STOX2: variants seen among roughly 807,000 people sequenced by gnomAD.
The protein encoded by STOX2 is storkhead box 2, also known as storkhead-box protein 2.
In STOX2, 28 loss-of-function variants were observed where a neutral mutation model predicts 60.9. The observed-to-expected ratio is 0.46, with a 90% CI of 0.34 to 0.63. The LOEUF (loss-of-function observed/expected upper bound fraction) is 0.63. STOX2 is among the 30% of genes least tolerant of loss of function. The pLI, the probability that STOX2 is intolerant of heterozygous loss-of-function variation, is 0.01. For synonymous variants in STOX2, 472 were observed against 463.9 expected (o/e 1.02, Z -0.22); for missense variants, 1,024 against 1,187.7 (o/e 0.86, Z 2.03).
chr4:183,813,240 G>C (rs139299277), intron 1 of STOX2, among the ~76,000 whole-genome samples: 1 of 152,120 alleles, frequency 6.6e-6, no homozygotes, highest in African/African-American at 2.4e-5. Flanking sequence ...AAAATTAGCC[G>C]GGCAAGGTGG....
chr4:183,996,374 T>C (rs1733347597), intron 1 of STOX2, among the ~76,000 whole-genome samples: 1 of 152,254 alleles, frequency 6.6e-6, no homozygotes, highest in Non-Finnish European at 1.5e-5. Context: ...ATTCTGACGA[T>C]GGAAAAATCC....
intron 2 of STOX2, among the ~76,000 whole-genome samples, chr4:184,007,153 A>T (rs1733906240): frequency 6.6e-6 from 1 of 152,308 alleles, no homozygotes; most frequent in East Asian, 1.9e-4. Context: ...AAAATTAAAT[A>T]ATTATATTGA....
At chr4:183,997,094 G>C (rs1280800987) in intron 1 of STOX2, among the ~76,000 whole-genome samples, 1 of 152,196 alleles carries the variant, frequency 6.6e-6, no homozygotes, top group African/African-American at 2.4e-5. Context: ...AAGTGGGTGA[G>C]ACAGACAGTA....
In STOX2 at chr4:183,861,106, A is replaced by G. The variant is rs548631143; in HGVS notation, c.364+63051A>G. Among the ~76,000 whole-genome samples the G allele has an allele frequency of 6.6e-5, 10 of 152,200 alleles. No homozygotes were observed. The South Asian group carries it at 2.1e-3, about 32-fold the overall frequency. ...AATTATCAAAGTGCATTTTCTCCCCACTACTTCTTTCTCTCCAGATCGCTC... is the reference window on the plus strand; with the variant it reads ...AATTATCAAAGTGCATTTTCTCCCCGCTACTTCTTTCTCTCCAGATCGCTC... On this transcript the variant is annotated intron_variant, in intron 1 of 2. Transcript: ENST00000513034.
At chr4:183,926,495 T>C (rs1012429751) in intron 1 of STOX2, among the ~76,000 whole-genome samples, 3 of 152,232 alleles carry the variant, frequency 2.0e-5, no homozygotes, top group Non-Finnish European at 4.4e-5. Flanking sequence ...TGATAAAGAA[T>C]TTGTGGTTGA....
intron 1 of STOX2, among the ~76,000 whole-genome samples, chr4:183,883,166 A>G (rs1304102314): frequency 2.0e-5 from 3 of 152,194 alleles, no homozygotes; most frequent in Non-Finnish European, 4.4e-5. Flanking sequence ...AAATCTAGAC[A>G]TCATATTAAT....
At chr4:183,831,394 A>G (rs1400167981) in intron 1 of STOX2, among the ~76,000 whole-genome samples, 3 of 152,204 alleles carry the variant, frequency 2.0e-5, no homozygotes, top group Non-Finnish European at 4.4e-5. Context: ...AGCTCCAATC[A>G]GGAAACAGAT....
chr4:183,899,767 A>G (rs57352792), intron 1 of STOX2, among the ~76,000 whole-genome samples: 8,416 of 152,262 alleles, frequency 0.055, 637 homozygotes, highest in African/African-American at 0.16. Context: ...AAGTTATCTC[A>G]AAGATCTAGC....
intron 1 of STOX2, among the ~76,000 whole-genome samples, chr4:183,956,308 C>T (rs1234605880): frequency 1.3e-5 from 2 of 152,164 alleles, no homozygotes; most frequent in Non-Finnish European, 2.9e-5. Flanking sequence ...ATGAAAGGAA[C>T]ACTAGTCTGC....
intron 1 of STOX2, among the ~76,000 whole-genome samples, chr4:183,926,049 G>C (rs1167867120): frequency 2.0e-5 from 3 of 152,084 alleles, no homozygotes; most frequent in African/African-American, 7.2e-5. Context: ...TTACATGGGA[G>C]AACCAAGTAA....
intron 1 of STOX2, among the ~76,000 whole-genome samples, chr4:183,971,965 C>T (rs1385883178): frequency 3.3e-5 from 5 of 152,122 alleles, no homozygotes; most frequent in African/African-American, 4.8e-5. Flanking sequence ...CGAGGTAGCC[C>T]GAAATCCAGT....
intron 1 of STOX2, among the ~76,000 whole-genome samples, chr4:183,943,334 G>T (rs1742801209): frequency 6.6e-6 from 1 of 151,974 alleles, no homozygotes; most frequent in Non-Finnish European, 1.5e-5. Flanking sequence ...TCATGTAGAG[G>T]CAAGGACTAT....
intron 3 of STOX2, among the ~76,000 whole-genome samples, chr4:184,016,592 C>T (rs965705400): frequency 2.6e-5 from 4 of 151,946 alleles, no homozygotes; most frequent in African/African-American, 9.7e-5. Flanking sequence ...GCCCAGGGTC[C>T]CCCAAAAAAG....
intron 1 of STOX2, among the ~76,000 whole-genome samples, chr4:183,862,765 GAA>G (rs1214183456): frequency 1.3e-5 from 2 of 152,234 alleles, no homozygotes; most frequent in East Asian, 3.9e-4. Flanking sequence ...AAAAACCAAG[GAA>G]ACTCAGAAGA....
intron 1 of STOX2, among the ~76,000 whole-genome samples, chr4:183,810,520 C>T (rs10011763): frequency 0.27 from 40,400 of 151,942 alleles, 6,192 homozygotes; most frequent in African/African-American, 0.43. Context: ...AAATTACTAC[C>T]AAGAAACATC....
chr4:184,005,691 A>G (rs896675607), intron 2 of STOX2, among the ~76,000 whole-genome samples: 2 of 152,200 alleles, frequency 1.3e-5, no homozygotes, highest in African/African-American at 4.8e-5. Flanking sequence ...ATCCATCACA[A>G]CCATCACTTT....
intron 1 of STOX2, among the ~76,000 whole-genome samples, chr4:183,937,188 AG>A (rs1346606648): frequency 6.6e-6 from 1 of 152,220 alleles, no homozygotes; most frequent in Non-Finnish European, 1.5e-5. Flanking sequence ...CCTAAGAGAA[AG>A]CTTAGTAACA....
Position 183,818,208 on chromosome 4 carries a change from A to G in STOX2, c.364+20153A>G, listed in dbSNP as rs539316594. ...AGGTCAGCAGATAAACAAGTGAACA[A>G]AGGTCTCTGGTTTTCCTAGGCAGAG... On this transcript the variant is annotated intron_variant, in intron 1 of 2. Transcript: ENST00000513034. Among the ~76,000 whole-genome samples, 529 of 152,078 alleles carry G rather than the reference A, an allele frequency of 3.5e-3. 3 individuals carry two copies. The highest frequency in any genetic ancestry group is 0.012 in the African/African-American group (510 of 41,424).
chr4:183,939,441 C>T (rs773803870), intron 1 of STOX2, among the ~76,000 whole-genome samples: 5 of 152,182 alleles, frequency 3.3e-5, no homozygotes, highest in African/African-American at 7.2e-5. Context: ...AGGGCTCACC[C>T]GAGTAATCCA....
Sources: gnomAD v4.1 joint callset for allele counts (sites outside exome capture counted in the v4.1 genomes callset) on GRCh38, gnomAD v4.1.1 for gene constraint, MANE v1.5 for transcripts, NCBI Gene and HGNC (gene_info 2026-07-23, HGNC 2026-07-21) for gene names.